MIDN: variants seen among roughly 807,000 people sequenced by gnomAD.
MIDN encodes midnolin.
A neutral mutation model predicts 46.1 loss-of-function variants in MIDN; 26 were observed. The observed-to-expected ratio is 0.56, with a 90% confidence interval of 0.41 to 0.78. The LOEUF (loss-of-function observed/expected upper bound fraction) is 0.78, where lower values mean the gene tolerates loss of function less well. Ranked by LOEUF, MIDN falls within the 30% of genes least tolerant of loss-of-function variation. The pLI is 0.00. For synonymous variants in MIDN, 432 were observed against 343.3 expected (o/e 1.26, Z -2.86); for missense variants, 850 against 771.8 (o/e 1.10, Z -1.20).
At position 1,258,695 on chromosome 19, in the gene MIDN, CTG is replaced by C. The variant is rs1386100793; in HGVS notation, c.*1425_*1426del. The C allele has an allele frequency of 2.6e-5, 3 of 115,498 alleles. No homozygotes were observed. The highest frequency in any genetic ancestry group is 4.9e-5 in the Non-Finnish European group (3 of 60,826). The allele number at this position is 115,498 out of a possible 1,614,324, so 7.2% of individuals were successfully genotyped here. On this transcript the variant is annotated 3_prime_UTR_variant, in exon 9 of 9. Transcript: ENST00000682408. ...CAGATGTGAACATCACGTGTTATAA[CTG>C]TAGCGCTGTAAATTTTTTTGTGGGA... is the stretch of plus-strand genomic sequence containing the variant.
chr19:1,257,517 T>TTCCTCCTCCTCCTCC lies in MIDN; in HGVS notation c.*252_*266dup, dbSNP rs373707840. 14 of 406,704 alleles carry TTCCTCCTCCTCCTCC rather than the reference T, an allele frequency of 3.4e-5. No homozygotes were observed. Among genetic ancestry groups the TTCCTCCTCCTCCTCC allele is most frequent in the Admixed American group, 1.3e-4 (3 of 22,334 alleles). 25.2% of individuals were successfully genotyped at this position (406,704 alleles called of 1,614,324 possible). On this transcript the variant is annotated 3_prime_UTR_variant, in exon 9 of 9. Transcript: ENST00000682408. Reference sequence around the variant, plus strand: ...TTCACCCTTCACTCCTGCCCTCCTCTTCCTCCTCCTCCTCCTCCTCCGTCT... The same window carrying TTCCTCCTCCTCCTCC: ...TTCACCCTTCACTCCTGCCCTCCTCTTCCTCCTCCTCCTCCTCCTCCTCCTCCTCCTCCTCCGTCT...
In MIDN at chr19:1,258,779, G is replaced by C. The variant is rs1222445568; in HGVS notation, c.*1507G>C. 7.1e-6 allele frequency: 1 copy of C among 141,488 alleles called. No individual in the cohort carries two copies. Among genetic ancestry groups the C allele is most frequent in the Non-Finnish European group, 1.5e-5 (1 of 65,126 alleles). The allele number at this position is 141,488 out of a possible 1,614,324, so 8.8% of individuals were successfully genotyped here. On this transcript the variant is annotated 3_prime_UTR_variant, in exon 9 of 9. Coordinates refer to ENST00000682408, the MANE Select transcript of MIDN (RefSeq NM_001388306.1). ...GCTCAAGGATTTTGGGTTTTGTTTT[G>C]TTTTCATTTTTCCAAAAAAAAAAGA...
chr19:1,256,896 C>T (rs2145499121), intron 8 of MIDN, 99 bp from the exon 9 acceptor site: 2 of 1,542,154 alleles, frequency 1.3e-6, no homozygotes, highest in Non-Finnish European at 1.7e-6. Context: ...GAGGGCAGGA[C>T]TGTGTCTGAC....
rs1019796565 is a variant in MIDN, at chr19:1,250,169, A to G, written c.-128A>G. 4 of 223,776 alleles carry G rather than the reference A, an allele frequency of 1.8e-5. No individual in the cohort carries two copies. Among genetic ancestry groups the G allele is most frequent in the African/African-American group, 9.4e-5 (4 of 42,580 alleles). 13.9% of individuals were successfully genotyped at this position (223,776 alleles called of 1,614,324 possible). ...CGCGGCCGGGACTTTCTCGAGGAGG[A>G]CGCGCGCTGCTCCGCGCCCCCGAGT... On this transcript the variant is annotated 5_prime_UTR_variant, in exon 2 of 9. Coordinates refer to ENST00000682408, the MANE Select transcript of MIDN (RefSeq NM_001388306.1).
chr19:1,249,792 G>A (rs895195039), intron 1 of MIDN, 98 bp from the exon 2 acceptor site: 2 of 151,140 alleles, frequency 1.3e-5, no homozygotes, highest in Middle Eastern at 3.4e-3. Context: ...GCCGGCGCCC[G>A]GCCGGCGGAG....
At chr19:1,251,006 C>G (rs988522480) in intron 2 of MIDN, among the ~76,000 whole-genome samples, 2 of 152,046 alleles carry the variant, frequency 1.3e-5, no homozygotes, top group Non-Finnish European at 2.9e-5. Flanking sequence ...GCCCTCCCCC[C>G]GCGGGCCTCC....
At chr19:1,252,743 A>AC (rs2040893081) in intron 4 of MIDN, among the ~76,000 whole-genome samples, 2 of 150,408 alleles carry the variant, frequency 1.3e-5, no homozygotes, top group South Asian at 4.2e-4. Context: ...CGAGGCCCGC[A>AC]CCCCCTTCCG....
rs369167917 is a variant in MIDN, at chr19:1,254,927, G to A, written c.851G>A (p.Ser284Asn). 2 of 1,609,272 alleles carry A rather than the reference G, an allele frequency of 1.2e-6. No homozygotes were observed. Among genetic ancestry groups the A allele is most frequent in the African/African-American group, 2.7e-5 (2 of 74,844 alleles). ...CAGATGGACTGCTCCCCCACGGCCA[G>A]CAGCAGTGCCAGTCCTGGTGCCAGC... ...PEQMDCSPTASSSASPGASTT... is the reference protein window; with the variant it reads ...PEQMDCSPTANSSASPGASTT... Residue 284 changes from serine (S) to asparagine (N), a missense_variant, in exon 7 of 9, where the codon AGC becomes AAC. Physicochemically the swap from Ser to Asn is conservative, Grantham distance 46. Coordinates refer to ENST00000682408, the MANE Select transcript of MIDN (RefSeq NM_001388306.1).
At chr19:1,250,645 C>T (rs1403174777) in intron 2 of MIDN, 116 bp downstream of exon 2, 5 of 399,852 alleles carry the variant, frequency 1.3e-5, no homozygotes, top group African/African-American at 2.2e-5. Flanking sequence ...CGGGGGCGCG[C>T]CGCGCGCTCT....
intron 4 of MIDN, among the ~76,000 whole-genome samples, chr19:1,253,049 G>A (rs1476050761): frequency 1.3e-5 from 2 of 151,566 alleles, no homozygotes; most frequent in Non-Finnish European, 2.9e-5. Flanking sequence ...GGGGCTGGAG[G>A]GGGTGCTGGG....
rs1380821444 is a variant in MIDN, at chr19:1,255,584, C to T, written c.1148C>T (p.Ser383Leu). 3.7e-6 allele frequency: 6 copies of T among 1,610,948 alleles called. No individual in the cohort carries two copies. The highest frequency in any genetic ancestry group is 5.1e-6 in the Non-Finnish European group (6 of 1,179,442). The change falls in exon 8 of 9, where the codon TCA (serine) becomes TTA (leucine). Residue 383 changes from serine to leucine, a missense_variant. By Grantham distance (145) the Ser-to-Leu change is moderately radical. Coordinates refer to ENST00000682408, the MANE Select transcript of MIDN (RefSeq NM_001388306.1). ...LRCHAQCSPA[S>L]PAPDLAPRTT... ...TGCCACGCCCAGTGCTCCCCGGCCT[C>T]ACCGGCCCCCGACCTGGCCCCCAGA...
At chr19:1,252,481 T>A (rs908699346) in intron 4 of MIDN, among the ~76,000 whole-genome samples, 3 of 151,462 alleles carry the variant, frequency 2.0e-5, no homozygotes, top group Non-Finnish European at 4.4e-5. Context: ...TAGGAAAATA[T>A]TTAGTAAGCG....
intron 8 of MIDN, among the ~76,000 whole-genome samples, chr19:1,256,219 C>G (rs1464393729): frequency 2.0e-5 from 3 of 152,238 alleles, no homozygotes; most frequent in East Asian, 1.9e-4. Flanking sequence ...CGCGGTGGCT[C>G]ACGCCTGTAA....
rs1014873762 is a variant in MIDN at position 1,256,114 on chromosome 19, G to A, written c.1258+420G>A. 3.3e-5 allele frequency among the ~76,000 whole-genome samples: 5 copies of A among 152,376 alleles called. 1 individual carries two copies. The highest frequency in any genetic ancestry group is 2.6e-4 in the Admixed American group (4 of 15,310). On this transcript the variant is annotated intron_variant, in intron 8 of 8. Coordinates refer to ENST00000682408, the MANE Select transcript of MIDN (RefSeq NM_001388306.1). ...CAAACGGCGGGTTACTCCCTCCAGAGTCTCACCAGAAGATGGCTACTGTAC... is the reference window on the plus strand; with the variant it reads ...CAAACGGCGGGTTACTCCCTCCAGAATCTCACCAGAAGATGGCTACTGTAC...
At chr19:1,249,698 C>T (rs1211396301) in intron 1 of MIDN, among the ~76,000 whole-genome samples, 192 bp from the exon 2 acceptor site, 3 of 148,356 alleles carry the variant, frequency 2.0e-5, no homozygotes, top group South Asian at 4.2e-4. Flanking sequence ...AGGGGGCGGG[C>T]CCGGCTGCCA....
intron 8 of MIDN, among the ~76,000 whole-genome samples, chr19:1,255,999 G>A (rs1043994081): frequency 3.9e-5 from 6 of 152,250 alleles, no homozygotes; most frequent in Non-Finnish European, 8.8e-5. Context: ...CTGGCAGGCC[G>A]AGGCGGGGCC....
chr19:1,253,050 G>GT (rs1253047504), intron 4 of MIDN, among the ~76,000 whole-genome samples: 2 of 151,504 alleles, frequency 1.3e-5, no homozygotes, highest in South Asian at 2.1e-4. Context: ...GGGCTGGAGG[G>GT]GGTGCTGGGC....
In MIDN at chr19:1,254,357, G is replaced by C; in HGVS notation, c.704G>C (p.Cys235Ser). 6.4e-7 allele frequency: 1 copy of C among 1,561,842 alleles called. No individual in the cohort carries two copies. The highest frequency in any genetic ancestry group is 8.6e-7 in the Non-Finnish European group (1 of 1,160,660). ...PSIASPVSSPCRPVSSAARVP... is the reference protein window; with the variant it reads ...PSIASPVSSPSRPVSSAARVP... ...ATAGCCTCCCCCGTGTCCTCGCCCT[G>C]CCGGCCGGTGTCCAGTGCCGCCCGA... is the stretch of plus-strand genomic sequence containing the variant. Residue 235 changes from cysteine (C) to serine (S), a missense_variant, in exon 6 of 9, where the codon TGC becomes TCC. Coordinates refer to ENST00000682408, the MANE Select transcript of MIDN (RefSeq NM_001388306.1).
Position 1,257,383 on chromosome 19 carries a change from C to G in MIDN, c.*111C>G, listed in dbSNP as rs1236799465. 1.3e-6 allele frequency: 1 copy of G among 790,278 alleles called. No homozygotes were observed. The highest frequency in any genetic ancestry group is 1.6e-5 in the South Asian group (1 of 62,326). The allele number at this position is 790,278 out of a possible 1,614,324, so 49.0% of individuals were successfully genotyped here. A position where few individuals can be genotyped will look rare whatever the true frequency, so the allele number is the denominator to read the frequency against. The stretch of plus-strand genomic sequence containing the variant: ...CCCTGGAGGGCAGGCGGCCACTCCC[C>G]CAGCCAGAAGTCTTTTTTTCTTTTC... On this transcript the variant is annotated 3_prime_UTR_variant, in exon 9 of 9. Coordinates refer to ENST00000682408, the MANE Select transcript of MIDN (RefSeq NM_001388306.1).
Sources: allele counts gnomAD v4.1 joint callset (sites outside exome capture counted in the v4.1 genomes callset), GRCh38; gene constraint gnomAD v4.1.1; transcripts MANE v1.5; gene names NCBI Gene and HGNC (gene_info 2026-07-23, HGNC 2026-07-21).